Variants in BCKDHB observed in about 807,000 individuals in gnomAD.
BCKDHB encodes the protein 2-oxoisovalerate dehydrogenase subunit beta, mitochondrial.
A neutral mutation model predicts 48.5 loss-of-function variants in BCKDHB; 41 were observed. The observed-to-expected ratio is 0.85, with a 90% CI of 0.66 to 1.10. The LOEUF (loss-of-function observed/expected upper bound fraction) is 1.10. BCKDHB is among the 50% of genes least tolerant of loss of function. The pLI, the probability that BCKDHB is intolerant of heterozygous loss-of-function variation, is 0.00. For missense variants in BCKDHB, 496 were observed against 494.2 expected (o/e 1.00, Z -0.03); for synonymous variants, 201 against 174.8 (o/e 1.15, Z -1.18).
intron 6 of BCKDHB, among the ~76,000 whole-genome samples, chr6:80,175,091 C>T (rs1773088277): frequency 6.6e-6 from 1 of 152,108 alleles, no homozygotes; most frequent in Admixed American, 6.6e-5. Flanking sequence ...CATCAAGGTA[C>T]CGGGCCTCTT....
chr6:80,365,830 T>C, the BCKDHB span, among the ~76,000 whole-genome samples: 1 of 152,204 alleles, frequency 6.6e-6, no homozygotes, highest in African/African-American at 2.4e-5. Flanking sequence ...TCACAATTTA[T>C]GTTCCTCTGC....
chr6:80,397,774 G>C, the BCKDHB span, among the ~76,000 whole-genome samples: 2 of 152,080 alleles, frequency 1.3e-5, no homozygotes, highest in Admixed American at 1.3e-4. Flanking sequence ...CAGTTACTCA[G>C]GAGGCTGAGG....
At chr6:80,108,987 A>C (rs1420557716) in intron 1 of BCKDHB, among the ~76,000 whole-genome samples, 1 of 152,238 alleles carries the variant, frequency 6.6e-6, no homozygotes, top group Non-Finnish European at 1.5e-5. Context: ...GTTTTAATAC[A>C]AATACAACTT....
At chr6:80,352,156 T>G in the BCKDHB span, among the ~76,000 whole-genome samples, 13 of 151,704 alleles carry the variant, frequency 8.6e-5, no homozygotes, top group South Asian at 2.7e-3. Context: ...TTGTTGTTTT[T>G]TTTTTGGAGA....
chr6:80,411,211 G>A, the BCKDHB span, among the ~76,000 whole-genome samples: 1 of 152,164 alleles, frequency 6.6e-6, no homozygotes, highest in East Asian at 1.9e-4. Flanking sequence ...CTCAGCTGCA[G>A]GTCTGTTGGA....
At chr6:80,358,491 A>G in the BCKDHB span, among the ~76,000 whole-genome samples, 544 of 152,350 alleles carry the variant, frequency 3.6e-3, 1 homozygote, top group Non-Finnish European at 6.0e-3. Context: ...TGAGGCATCA[A>G]AAGCCGATCT....
the BCKDHB span, among the ~76,000 whole-genome samples, chr6:80,368,184 A>G: frequency 2.6e-5 from 4 of 152,200 alleles, no homozygotes; most frequent in East Asian, 7.7e-4. Flanking sequence ...CCAGCCTCTG[A>G]ATATCCAACT....
chr6:80,292,516 G>A lies in BCKDHB; in HGVS notation c.1038+19295G>A, dbSNP rs546264052. Among the ~76,000 whole-genome samples the A allele has an allele frequency of 2.2e-3, 332 of 152,138 alleles. 1 individual carries two copies. The highest frequency in any genetic ancestry group is 3.5e-3 in the Non-Finnish European group (236 of 68,008). On this transcript the variant is annotated intron_variant, in intron 9 of 9. Transcript: ENST00000320393. The stretch of plus-strand genomic sequence containing the variant: ...CCCCATGATTCAGTTACCTCCCACC[G>A]GGTCCCTCCCATGACGTGGGAATTA...
chr6:80,161,153 A>G (rs1772296686), intron 3 of BCKDHB, among the ~76,000 whole-genome samples: 1 of 152,168 alleles, frequency 6.6e-6, no homozygotes, highest in African/African-American at 2.4e-5. Flanking sequence ...CCTTCTTGCA[A>G]CTTCTTTGAG....
chr6:80,266,773 A>T (rs1777532241), intron 8 of BCKDHB, among the ~76,000 whole-genome samples: 1 of 152,106 alleles, frequency 6.6e-6, no homozygotes, highest in Non-Finnish European at 1.5e-5. Flanking sequence ...CCTCTAAGAT[A>T]TGAAAGACAT....
the BCKDHB span, among the ~76,000 whole-genome samples, chr6:80,400,185 A>G: frequency 1.3e-5 from 2 of 152,108 alleles, no homozygotes; most frequent in Non-Finnish European, 2.9e-5. Flanking sequence ...AAATTTCATT[A>G]TGAAGATGTG....
At chr6:80,273,778 A>T (rs182234521) in intron 9 of BCKDHB, among the ~76,000 whole-genome samples, 3,295 of 150,402 alleles carry the variant, frequency 0.022, 93 homozygotes, top group African/African-American at 0.057. Context: ...ATGTTTTTTT[A>T]AAAAAAATGC....
intron 8 of BCKDHB, among the ~76,000 whole-genome samples, chr6:80,238,946 C>A (rs1582418544): frequency 1.3e-5 from 2 of 152,306 alleles, no homozygotes; most frequent in Admixed American, 1.3e-4. Context: ...TTTTTTATGG[C>A]TGCATAGTAT....
chr6:80,300,089 C>T (rs928805369), intron 9 of BCKDHB, among the ~76,000 whole-genome samples: 7 of 151,690 alleles, frequency 4.6e-5, no homozygotes, highest in Admixed American at 2.6e-4. Context: ...CATATTCCCA[C>T]TGCCCAGACT....
intron 3 of BCKDHB, among the ~76,000 whole-genome samples, chr6:80,158,349 G>A (rs1772151925): frequency 6.6e-6 from 1 of 152,046 alleles, no homozygotes; most frequent in African/African-American, 2.4e-5. Context: ...TCTTGCCTTG[G>A]AGTGTTCAGA....
At chr6:80,453,955 A>G in the BCKDHB span, among the ~76,000 whole-genome samples, 38 of 152,228 alleles carry the variant, frequency 2.5e-4, no homozygotes, top group Non-Finnish European at 4.9e-4. Context: ...TTTTTCCACA[A>G]GCAGAACCCT....
the BCKDHB span, among the ~76,000 whole-genome samples, chr6:80,447,791 A>G: frequency 1.2e-4 from 18 of 152,278 alleles, no homozygotes; most frequent in East Asian, 3.3e-3. Context: ...TCAGTGCAAC[A>G]AGAACTGGAC....
At chr6:80,239,866 T>G (rs1023655549) in intron 8 of BCKDHB, among the ~76,000 whole-genome samples, 1 of 152,206 alleles carries the variant, frequency 6.6e-6, no homozygotes, top group African/African-American at 2.4e-5. Context: ...GGGAATCCTT[T>G]CCCCATTTCT....
chr6:80,140,871 A>G (rs1178641835), intron 3 of BCKDHB, among the ~76,000 whole-genome samples: 2 of 152,120 alleles, frequency 1.3e-5, no homozygotes, highest in Non-Finnish European at 2.9e-5. Context: ...ATAGTTTCAG[A>G]AGGAATGGTA....
Sources: gnomAD v4.1 joint callset for allele counts (sites outside exome capture counted in the v4.1 genomes callset) on GRCh38, gnomAD v4.1.1 for gene constraint, MANE v1.5 for transcripts, NCBI Gene and HGNC (gene_info 2026-07-23, HGNC 2026-07-21) for gene names.